Variants in SLC13A3 observed in about 807,000 individuals in gnomAD.
SLC13A3 encodes Na(+)/dicarboxylate cotransporter 3.
In SLC13A3, 40 loss-of-function variants were observed where a neutral mutation model predicts 59.0. The ratio of observed to expected loss-of-function variants is 0.68; its 90% CI spans 0.53 to 0.88. The LOEUF is 0.88. Ranked by LOEUF, SLC13A3 falls within the 40% of genes least tolerant of loss-of-function variation. The pLI, the probability that SLC13A3 is intolerant of heterozygous loss-of-function variation, is 0.00. For missense variants in SLC13A3, 699 were observed against 783.2 expected (o/e 0.89, Z 1.28); for synonymous variants, 317 against 330.3 (o/e 0.96, Z 0.44).
At chr20:46,587,190 A>G (rs1485738485) in intron 8 of SLC13A3, among the ~76,000 whole-genome samples, 1 of 152,176 alleles carries the variant, frequency 6.6e-6, no homozygotes, top group Non-Finnish European at 1.5e-5. Context: ...GCTAACAACT[A>G]TTGAGTTCTT....
At chr20:46,631,768 C>T (rs533219608) in intron 1 of SLC13A3, among the ~76,000 whole-genome samples, 21 of 152,138 alleles carry the variant, frequency 1.4e-4, no homozygotes, top group East Asian at 3.9e-4. Context: ...AAGCAAAACG[C>T]GCAGGGGTGA....
intron 1 of SLC13A3, among the ~76,000 whole-genome samples, chr20:46,663,019 G>A (rs1472009552): frequency 6.6e-6 from 1 of 152,202 alleles, no homozygotes; most frequent in Non-Finnish European, 1.5e-5. Flanking sequence ...GCTGGGCATG[G>A]TGTGTCACAC....
intron 4 of SLC13A3, among the ~76,000 whole-genome samples, chr20:46,597,894 G>T (rs1160046375): frequency 6.6e-6 from 1 of 152,196 alleles, no homozygotes; most frequent in Non-Finnish European, 1.5e-5. Flanking sequence ...CTAAGCGAAT[G>T]AAACTGAGAA....
intron 9 of SLC13A3, among the ~76,000 whole-genome samples, chr20:46,582,189 T>C (rs546703445): frequency 6.6e-6 from 1 of 152,242 alleles, no homozygotes; most frequent in African/African-American, 2.4e-5. Flanking sequence ...GTGGGTGCCA[T>C]CACAGCTCAC....
At chr20:46,651,263 G>T (rs1040055849) in intron 1 of SLC13A3, 48 bp downstream of exon 1, 6 of 1,444,292 alleles carry the variant, frequency 4.2e-6, no homozygotes, top group African/African-American at 3.0e-5. Context: ...GGGAGAAGAG[G>T]ATCCCGCCTG....
chr20:46,631,218 C>A (rs1415233508), intron 1 of SLC13A3, among the ~76,000 whole-genome samples: 1 of 152,164 alleles, frequency 6.6e-6, no homozygotes, highest in African/African-American at 2.4e-5. Context: ...GAGTACAGGA[C>A]AGAGATGCTG....
chr20:46,670,920 T>A (rs2063087704), upstream of SLC13A3, among the ~76,000 whole-genome samples: 1 of 152,138 alleles, frequency 6.6e-6, no homozygotes, highest in Non-Finnish European at 1.5e-5. Flanking sequence ...TGTACTTTAT[T>A]TACAAGGCAG....
In SLC13A3 at chr20:46,635,534, C is replaced by G. The variant is rs374198457; in HGVS notation, c.111+15777G>C. On this transcript the variant is annotated intron_variant, in intron 1 of 12. Coordinates refer to ENST00000279027, the MANE Select transcript of SLC13A3 (RefSeq NM_022829.6). ...GTTCAATGCTCCCTTTTCCAGGACA[C>G]CTTCCGGACTCTACAATTGCACTAC... Among the ~76,000 whole-genome samples the G allele has an allele frequency of 4.9e-4, 74 of 152,324 alleles. 1 individual carries two copies. The South Asian group carries it at 8.5e-3, about 18-fold the overall frequency.
At position 46,598,009 on chromosome 20, in the gene SLC13A3, T is replaced by C. The variant is rs1240175553; in HGVS notation, c.609-1667A>G. 3.9e-5 allele frequency among the ~76,000 whole-genome samples: 6 copies of C among 152,278 alleles called. No homozygotes were observed. In the East Asian group the frequency reaches 1.2e-3, roughly 29 times the overall value. ...CATTGTATATCTTAAATATATATAA[T>C]TTTTATTTGTCAATTATACTTCAAT... On this transcript the variant is annotated intron_variant, in intron 4 of 12. Transcript: ENST00000279027.
intron 1 of SLC13A3, among the ~76,000 whole-genome samples, chr20:46,631,122 C>T (rs1395642807): frequency 1.3e-5 from 2 of 152,080 alleles, no homozygotes; most frequent in African/African-American, 2.4e-5. Flanking sequence ...TCATTTAATC[C>T]AGTGGTTCTC....
intron 1 of SLC13A3, among the ~76,000 whole-genome samples, chr20:46,621,079 C>T (rs901946473): frequency 7.9e-5 from 12 of 152,188 alleles, no homozygotes; most frequent in African/African-American, 2.7e-4. Flanking sequence ...TGGGGGGATG[C>T]TCAAGGCATT....
chr20:46,593,773 A>T (rs2062282858), intron 5 of SLC13A3, among the ~76,000 whole-genome samples: 1 of 152,200 alleles, frequency 6.6e-6, no homozygotes, highest in Non-Finnish European at 1.5e-5. Flanking sequence ...AAAAAATTTT[A>T]ATAATAAAAT....
chr20:46,663,330 A>C (rs1175513160), intron 1 of SLC13A3, among the ~76,000 whole-genome samples: 1 of 151,924 alleles, frequency 6.6e-6, no homozygotes, highest in Non-Finnish European at 1.5e-5. Flanking sequence ...CTGTAGTCTC[A>C]GCTACTCGAG....
At chr20:46,639,974 C>T (rs1298148691) in intron 1 of SLC13A3, among the ~76,000 whole-genome samples, 5 of 152,190 alleles carry the variant, frequency 3.3e-5, no homozygotes, top group South Asian at 2.1e-4. Flanking sequence ...GGGAACCACT[C>T]GGTGCCTCAG....
intron 3 of SLC13A3, among the ~76,000 whole-genome samples, chr20:46,603,967 G>A (rs1335945839): frequency 4.0e-5 from 6 of 149,914 alleles, no homozygotes; most frequent in Admixed American, 2.0e-4. Context: ...CTCCATCTTG[G>A]GTGACAGAGC....
upstream of SLC13A3, among the ~76,000 whole-genome samples, chr20:46,674,588 T>TGCGCGCGCGCGCGCGC: frequency 7.3e-6 from 1 of 136,838 alleles, no homozygotes; most frequent in African/African-American, 2.9e-5. Flanking sequence ...AGGTGGGGAG[T>TGCGCGCGCGCGCGCGC]GCGCGCGCGC....
intron 1 of SLC13A3, among the ~76,000 whole-genome samples, chr20:46,657,454 G>A (rs1036217993): frequency 6.6e-6 from 1 of 151,756 alleles, no homozygotes; most frequent in African/African-American, 2.4e-5. Flanking sequence ...GACATTTTGG[G>A]TACTGTATTA....
At chr20:46,653,548 G>T (rs932061633), upstream of SLC13A3, among the ~76,000 whole-genome samples, 1 of 152,098 alleles carries the variant, frequency 6.6e-6, no homozygotes, top group African/African-American at 2.4e-5. Flanking sequence ...ACAAAATAAG[G>T]CAGGTTGGAC....
chr20:46,647,925 C>T (rs1015798473), intron 1 of SLC13A3, among the ~76,000 whole-genome samples: 1 of 152,206 alleles, frequency 6.6e-6, no homozygotes, highest in Non-Finnish European at 1.5e-5. Flanking sequence ...TCTGCAGTTT[C>T]GCAAGTTGTT....
Sources: allele counts gnomAD v4.1 joint callset (sites outside exome capture counted in the v4.1 genomes callset), GRCh38; gene constraint gnomAD v4.1.1; transcripts MANE v1.5; gene names NCBI Gene and HGNC (gene_info 2026-07-23, HGNC 2026-07-21).